The following ING1 variants were observed in gnomAD, a reference collection of about 807,000 sequenced individuals.
ING1 encodes inhibitor of growth family member 1.
In ING1, 4 loss-of-function variants were observed where a neutral mutation model predicts 23.1. The ratio of observed to expected loss-of-function variants is 0.17; its 90% CI spans 0.09 to 0.40. ING1 has a LOEUF of 0.40. Ranked by LOEUF, ING1 falls within the 10% of genes least tolerant of loss-of-function variation. ING1 has a pLI of 1.00. For synonymous variants in ING1, 179 were observed against 166.4 expected (o/e 1.08, Z -0.58); for missense variants, 256 against 393.8 (o/e 0.65, Z 2.96).
rs754755764 is a variant in ING1 at position 110,719,978 on chromosome 13, A to G, written c.*46A>G. On this transcript the variant is annotated 3_prime_UTR_variant, in exon 2 of 2. Transcript: ENST00000333219. The surrounding 1 kb of genome is among the most constrained non-coding windows in gnomAD (Gnocchi z 8.9). ...GTGAGGAGGACAAAATAAACCGTGT[A>G]TTTATTACATTGCTGCCTTTGTTGA... 1.5e-6 allele frequency: 2 copies of G among 1,328,166 alleles called. No homozygotes were observed. Among genetic ancestry groups the G allele is most frequent in the African/African-American group, 3.0e-5 (2 of 67,268 alleles). 82.3% of individuals were successfully genotyped at this position (1,328,166 alleles called of 1,614,324 possible).
Position 110,714,183 on chromosome 13 carries a change from C to G in ING1, c.34C>G (p.Leu12Val). The G allele has an allele frequency of 6.4e-7, 1 of 1,560,164 alleles. No homozygotes were observed. The highest frequency in any genetic ancestry group is 8.7e-7 in the Non-Finnish European group (1 of 1,154,690). Residue 12 changes from leucine to valine, a missense_variant, in exon 1 of 2, where the codon CTG (leucine) becomes GTG (valine). Physicochemically the swap from Leu to Val is conservative, Grantham distance 32. Transcript: ENST00000333219. ...LSPANGEQLHLVNYVEDYLDS... is the reference protein window; with the variant it reads ...LSPANGEQLHVVNYVEDYLDS... ...TCCTGCCAACGGGGAGCAGCTCCAC[C>G]TGGTGAACTATGTGGAGGACTACCT... is the stretch of plus-strand genomic sequence containing the variant.
chr13:110,713,248 G>A, upstream of ING1: 2 of 1,353,586 alleles, frequency 1.5e-6, no homozygotes, highest in Non-Finnish European at 1.9e-6. Context: ...CTGCTCTGTG[G>A]GGCGGGGACG....
chr13:110,712,741 G>A (rs187307683), upstream of ING1: 20 of 700,650 alleles, frequency 2.9e-5, no homozygotes, highest in African/African-American at 3.3e-4. Flanking sequence ...AGCGGCCTCC[G>A]AGAACGGTGT....
Position 110,721,477 on chromosome 13 carries a change from G to C in ING1, c.*1545G>C, listed in dbSNP as rs1397827940. On this transcript the variant is annotated 3_prime_UTR_variant, in exon 2 of 2. Coordinates refer to ENST00000333219, the MANE Select transcript of ING1 (RefSeq NM_198219.3). ...GGTTTCTCCATGTTGGTCATGGCTGGTCTCGCACTCCCGACCTCAGGTGAT... is the reference window on the plus strand; with the variant it reads ...GGTTTCTCCATGTTGGTCATGGCTGCTCTCGCACTCCCGACCTCAGGTGAT... The C allele has an allele frequency of 1.3e-5, 2 of 152,036 alleles. No homozygotes were observed. Among genetic ancestry groups the C allele is most frequent in the African/African-American group, 4.8e-5 (2 of 41,330 alleles). 9.4% of individuals were successfully genotyped at this position (152,036 alleles called of 1,614,324 possible).
In ING1 at chr13:110,713,883, G is replaced by T; in HGVS notation, c.-267G>T. On this transcript the variant is annotated 5_prime_UTR_variant, in exon 1 of 2. Transcript: ENST00000333219. ...CGCGGCCCCCGGCGCCAGCCCCGCC[G>T]CCTGAGAGGGGGCCTGCGCCGCCGG... The T allele has an allele frequency of 1.0e-6, 1 of 981,400 alleles. No homozygotes were observed. Among genetic ancestry groups the T allele is most frequent in the South Asian group, 4.7e-5 (1 of 21,248 alleles). 60.8% of individuals were successfully genotyped at this position (981,400 alleles called of 1,614,324 possible). A position where few individuals can be genotyped will look rare whatever the true frequency, so the allele number is the denominator to read the frequency against.
In ING1 at chr13:110,721,287, T is replaced by A. The variant is rs2064170179; in HGVS notation, c.*1355T>A. ...GAGTTTTCATTTATTATTTTTTATT[T>A]TTTTGAGATTGAGTTCCAGGCTGGA... is the stretch of plus-strand genomic sequence containing the variant. On this transcript the variant is annotated 3_prime_UTR_variant, in exon 2 of 2. Transcript: ENST00000333219. 1 of 152,186 alleles carries A rather than the reference T, an allele frequency of 6.6e-6. No individual in the cohort carries two copies. Among genetic ancestry groups the A allele is most frequent in the African/African-American group, 2.4e-5 (1 of 41,440 alleles). The allele number at this position is 152,186 out of a possible 1,614,324, so 9.4% of individuals were successfully genotyped here.
In ING1 at chr13:110,714,072, G is replaced by T; in HGVS notation, c.-78G>T. 1 of 1,430,782 alleles carries T rather than the reference G, an allele frequency of 7.0e-7. No individual in the cohort carries two copies. Among genetic ancestry groups the T allele is most frequent in the South Asian group, 1.4e-5 (1 of 70,326 alleles). The allele number at this position is 1,430,782 out of a possible 1,614,324, so 88.6% of individuals were successfully genotyped here. A position where few individuals can be genotyped will look rare whatever the true frequency, so the allele number is the denominator to read the frequency against. On this transcript the variant is annotated 5_prime_UTR_variant, in exon 1 of 2. Transcript: ENST00000333219. ...GAGAGCGAGGGCTTTGCATTTTGCA[G>T]TGCTATTTTTTGAGGGGGGCGGGGG...
chr13:110,715,950 A>G (rs774943023), intron 1 of ING1: 3 of 1,548,796 alleles, frequency 1.9e-6, no homozygotes, highest in East Asian at 2.3e-5. Flanking sequence ...CGGCTCGGAG[A>G]CAGTTTCAGG....
intron 1 of ING1, chr13:110,715,365 A>G: frequency 4.7e-6 from 7 of 1,492,006 alleles, no homozygotes; most frequent in Non-Finnish European, 6.2e-6. Context: ...TCCGAGACGT[A>G]GCTTCGCAGC....
intron 1 of ING1, 104 bp downstream of exon 1, chr13:110,714,389 C>A: frequency 8.9e-7 from 1 of 1,125,152 alleles, no homozygotes; most frequent in Non-Finnish European, 1.1e-6. Flanking sequence ...AGGAAGCGGC[C>A]GGCTCCGCAG....
At chr13:110,715,366 G>C (rs2064103938) in intron 1 of ING1, 1 of 1,494,036 alleles carries the variant, frequency 6.7e-7, no homozygotes, top group Non-Finnish European at 8.9e-7. Flanking sequence ...CCGAGACGTA[G>C]CTTCGCAGCG....
rs1436970913 is a variant in ING1, at chr13:110,721,912, G to A, written c.*1980G>A. The A allele has an allele frequency of 6.6e-6, 1 of 152,212 alleles. No homozygotes were observed. The highest frequency in any genetic ancestry group is 1.5e-5 in the Non-Finnish European group (1 of 68,034). 9.4% of individuals were successfully genotyped at this position (152,212 alleles called of 1,614,324 possible). ...TTTAACTTCGCACATGGTAAAATCA[G>A]TTTCTTTCCATGATCTGTTTCACAG... On this transcript the variant is annotated 3_prime_UTR_variant, in exon 2 of 2. Coordinates refer to ENST00000333219, the MANE Select transcript of ING1 (RefSeq NM_198219.3).
intron 1 of ING1, 52 bp downstream of exon 1, chr13:110,714,337 C>G (rs1326557411): frequency 1.4e-6 from 2 of 1,470,946 alleles, no homozygotes; most frequent in South Asian, 1.3e-5. Context: ...CCCGGCGGGT[C>G]CGGGCGCGCC....
chr13:110,714,238 T>C lies in ING1; in HGVS notation c.89T>C (p.Leu30Ser). The change falls in exon 1 of 2, where the codon TTG (leucine) becomes TCG (serine). Residue 30 changes from leucine to serine, a missense_variant. Physicochemically the swap from Leu to Ser is moderately radical, Grantham distance 145. Coordinates refer to ENST00000333219, the MANE Select transcript of ING1 (RefSeq NM_198219.3). ...LDSIESLPFD[L>S]QRNVSLMREI... is the part of the protein sequence containing the mutation. ...TCCATCGAGTCCCTGCCTTTCGACT[T>C]GCAGAGAAATGTCTCGCTGATGCGG... 1 of 1,577,214 alleles carries C rather than the reference T, an allele frequency of 6.3e-7. No homozygotes were observed. The highest frequency in any genetic ancestry group is 8.6e-7 in the Non-Finnish European group (1 of 1,163,498).
At chr13:110,715,462 C>G in intron 1 of ING1, 1 of 1,608,256 alleles carries the variant, frequency 6.2e-7, no homozygotes. Flanking sequence ...CGTGGAATGT[C>G]CTTATCATTC....
intron 1 of ING1, chr13:110,715,773 C>T: frequency 6.3e-7 from 1 of 1,588,542 alleles, no homozygotes; most frequent in Non-Finnish European, 8.5e-7. Context: ...GAGTCTCCCG[C>T]TGGCCTCCTC....
Position 110,715,353 on chromosome 13 carries a change from T to C in ING1, c.136+1068T>C, listed in dbSNP as rs972135153. 3.0e-5 allele frequency: 44 copies of C among 1,474,280 alleles called. No individual in the cohort carries two copies. The African/African-American group carries it at 5.2e-4, about 17-fold the overall frequency. 91.3% of individuals were successfully genotyped at this position (1,474,280 alleles called of 1,614,324 possible). On this transcript the variant is annotated intron_variant, in intron 1 of 1. Coordinates refer to ENST00000333219, the MANE Select transcript of ING1 (RefSeq NM_198219.3). ...GCCGGGAAGGCGCCCCTGCGCGTTC[T>C]ATCCGAGACGTAGCTTCGCAGCGAA...
At chr13:110,716,821 A>C (rs1390284932) in intron 1 of ING1, among the ~76,000 whole-genome samples, 6 of 152,244 alleles carry the variant, frequency 3.9e-5, no homozygotes, top group Admixed American at 3.9e-4. Flanking sequence ...AGTTGCTGGC[A>C]TTGAAAAAGC....
upstream of ING1, chr13:110,713,503 C>T (rs1278316102): frequency 1.0e-6 from 1 of 986,950 alleles, no homozygotes; most frequent in Non-Finnish European, 1.2e-6. Flanking sequence ...CCCTCCGCGA[C>T]CCTCGCCTCT....
Sources: allele counts gnomAD v4.1 joint callset (sites outside exome capture counted in the v4.1 genomes callset), GRCh38; gene constraint gnomAD v4.1.1; non-coding constraint Gnocchi (gnomAD v3.1); transcripts MANE v1.5; gene names NCBI Gene and HGNC (gene_info 2026-07-23, HGNC 2026-07-21).